The following ERAP1 variants were observed in gnomAD, a reference collection of about 807,000 sequenced individuals.
ERAP1 encodes the protein adipocyte-derived leucine aminopeptidase.
Under a neutral mutation model 103.7 loss-of-function variants are expected in ERAP1, and 86 were observed. The ratio of observed to expected loss-of-function variants is 0.83; its 90% CI spans 0.70 to 0.99. ERAP1 has a LOEUF of 0.99. ERAP1 is among the 50% of genes least tolerant of loss of function. The pLI is 0.00. For missense variants in ERAP1, 1,009 were observed against 1,128.4 expected (o/e 0.89, Z 1.52); for synonymous variants, 398 against 402.4 (o/e 0.99, Z 0.13).
chr5:96,795,978 G>T (rs900664763), intron 4 of ERAP1, among the ~76,000 whole-genome samples: 19 of 152,292 alleles, frequency 1.2e-4, no homozygotes, highest in Non-Finnish European at 1.9e-4. Context: ...TATTAATATA[G>T]ATTAGACATT....
Position 96,790,305 on chromosome 5 carries a change from A to ATGAC in ERAP1, c.1514_1515insGTCA (p.Ser507PhefsTer49), listed in dbSNP as rs1411191443. 6 of 1,614,046 alleles carry ATGAC rather than the reference A, an allele frequency of 3.7e-6. No individual in the cohort carries two copies. In the Middle Eastern group the frequency reaches 8.3e-4, roughly 222 times the overall value. On this transcript the variant is annotated frameshift_variant, in exon 10 of 19. Coordinates refer to ENST00000443439, the MANE Select transcript of ERAP1 (RefSeq NM_001040458.3). LOFTEE classifies it high-confidence loss of function. ...AGATATAGAAACTTACTGAGGATGA[A>ATGAC]GATGAATGTTGACTTCTAGAGCAAA...
chr5:96,909,741 G>T, the ERAP1 span: 1 of 1,614,090 alleles, frequency 6.2e-7, no homozygotes, highest in East Asian at 2.2e-5. Context: ...TCTCCCAGTG[G>T]ATGGAATCCA....
In ERAP1 at chr5:96,792,605, G is replaced by C. The variant is rs538754718; in HGVS notation, c.1189-413C>G. 2.6e-5 allele frequency among the ~76,000 whole-genome samples: 4 copies of C among 152,174 alleles called. No individual in the cohort carries two copies. The East Asian group carries it at 7.7e-4, about 29-fold the overall frequency. On this transcript the variant is annotated intron_variant, in intron 7 of 18. Transcript: ENST00000443439. ...GAAAATAAATGGAGAACCTTAACCAGCTTTATTAGAGCACATTAGCTCAAC... is the reference window on the plus strand; with the variant it reads ...GAAAATAAATGGAGAACCTTAACCACCTTTATTAGAGCACATTAGCTCAAC...
chr5:96,788,812 A>T, intron 10 of ERAP1, 127 bp from the exon 11 acceptor site: 2 of 1,142,364 alleles, frequency 1.8e-6, no homozygotes, highest in Non-Finnish European at 2.5e-6. Context: ...GCACTTTCTG[A>T]TCCCTTTCTC....
the ERAP1 span, among the ~76,000 whole-genome samples, chr5:96,859,787 T>C: frequency 1.3e-5 from 2 of 152,210 alleles, no homozygotes; most frequent in Non-Finnish European, 2.9e-5. Context: ...TATGGCATTA[T>C]TAATTTTGGC....
the ERAP1 span, among the ~76,000 whole-genome samples, chr5:96,818,862 C>T: frequency 3.3e-5 from 5 of 151,890 alleles, no homozygotes. Flanking sequence ...TTGAGGTCAA[C>T]CTAAATTCCA....
chr5:96,889,205 A>G, the ERAP1 span: 4 of 1,614,186 alleles, frequency 2.5e-6, no homozygotes, highest in Admixed American at 1.7e-5. Context: ...ATGCATCCCC[A>G]GACAAACGGA....
intron 5 of ERAP1, 84 bp downstream of exon 5, chr5:96,794,958 A>G: frequency 6.6e-7 from 1 of 1,526,488 alleles, no homozygotes; most frequent in Non-Finnish European, 8.9e-7. Context: ...TGCTGAGGCA[A>G]CTACAGGGAT....
rs781132420 is a variant in ERAP1 at position 96,792,196 on chromosome 5, T to C, written c.1189-4A>G. The C allele has an allele frequency of 8.7e-6, 14 of 1,613,152 alleles. No individual in the cohort carries two copies. In the East Asian group the frequency reaches 2.2e-4, roughly 26 times the overall value. On this transcript the variant is annotated splice_polypyrimidine_tract_variant and splice_region_variant and intron_variant, in intron 7 of 18. Transcript: ENST00000443439. ...ATTTGCCAAAGAAATAATCTCCCTATTGAGATAGAAAAAAGAAAACATCAC... is the reference window on the plus strand; with the variant it reads ...ATTTGCCAAAGAAATAATCTCCCTACTGAGATAGAAAAAAGAAAACATCAC...
intron 19 of ERAP1, among the ~76,000 whole-genome samples, chr5:96,763,942 G>T (rs186382404): frequency 5.4e-4 from 78 of 145,492 alleles, no homozygotes; most frequent in African/African-American, 1.9e-3. Flanking sequence ...AACTGACTTA[G>T]CTTCCCTGAG....
the ERAP1 span, among the ~76,000 whole-genome samples, chr5:96,821,699 C>T: frequency 7.9e-5 from 12 of 152,142 alleles, no homozygotes; most frequent in African/African-American, 2.7e-4. Flanking sequence ...AAATCTGAGG[C>T]TGGTAAAAGC....
the ERAP1 span, among the ~76,000 whole-genome samples, chr5:96,830,721 T>C: frequency 6.6e-6 from 1 of 152,062 alleles, no homozygotes; most frequent in South Asian, 2.1e-4. Context: ...TGGAGTCAAG[T>C]TTAAAAGCAA....
chr5:96,922,012 T>C, the ERAP1 span, among the ~76,000 whole-genome samples: 1 of 152,188 alleles, frequency 6.6e-6, no homozygotes, highest in Non-Finnish European at 1.5e-5. Context: ...AAAAACTGTT[T>C]TCTAGGCCGG....
the ERAP1 span, among the ~76,000 whole-genome samples, chr5:96,867,011 A>T: frequency 2.9e-4 from 40 of 136,714 alleles, no homozygotes; most frequent in African/African-American, 9.6e-4. Flanking sequence ...CCTTTCTGAT[A>T]TTTTTTTTTT....
chr5:96,791,364 C>A (rs1334632401), intron 8 of ERAP1, among the ~76,000 whole-genome samples: 1 of 152,158 alleles, frequency 6.6e-6, no homozygotes, highest in Non-Finnish European at 1.5e-5. Flanking sequence ...TGGAAACATG[C>A]AAGCAAGAAA....
In ERAP1 at chr5:96,792,104, G is replaced by A. The variant is rs369282468; in HGVS notation, c.1277C>T (p.Pro426Leu). 2 of 1,614,052 alleles carry A rather than the reference G, an allele frequency of 1.2e-6. No individual in the cohort carries two copies. Among genetic ancestry groups the A allele is most frequent in the Non-Finnish European group, 8.5e-7 (1 of 1,179,924 alleles). ...ATCAAACATCTCCCGGATCTGAGCA[G>A]GATTTTCCACAGGTGTAGACACAGG... The part of the protein sequence containing the change: ...SHPVSTPVEN[P>L]AQIREMFDDV... Residue 426 changes from proline (P) to leucine (L), a missense_variant, in exon 8 of 19, where the codon CCT (proline) becomes CTT (leucine). Physicochemically the swap from Pro to Leu is moderately conservative, Grantham distance 98. This residue lies in a region of ERAP1 where 611 missense variants were observed against 651.7 expected (regional missense o/e 0.94). Coordinates refer to ENST00000443439, the MANE Select transcript of ERAP1 (RefSeq NM_001040458.3).
chr5:96,772,135 G>T (rs908559947), downstream of ERAP1: 1 of 154,180 alleles, frequency 6.5e-6, no homozygotes, highest in African/African-American at 2.4e-5. Flanking sequence ...GAGTCTGGTG[G>T]AAATTACAGG....
intron 19 of ERAP1, chr5:96,765,246 C>A: frequency 6.2e-7 from 1 of 1,603,728 alleles, no homozygotes; most frequent in Non-Finnish European, 8.5e-7. Context: ...CTCGATGATG[C>A]CTTGGATAAA....
At chr5:96,874,976 C>A in the ERAP1 span, among the ~76,000 whole-genome samples, 1 of 152,234 alleles carries the variant, frequency 6.6e-6, no homozygotes, top group Non-Finnish European at 1.5e-5. Flanking sequence ...GGCATATAGG[C>A]TGCCAGTAGG....
Sources: allele counts gnomAD v4.1 joint callset (sites outside exome capture counted in the v4.1 genomes callset), GRCh38; gene constraint gnomAD v4.1.1; regional missense constraint gnomAD v4.1.1; transcripts MANE v1.5; gene names NCBI Gene and HGNC (gene_info 2026-07-23, HGNC 2026-07-21).